Variants in RARB observed in about 807,000 individuals in gnomAD.
The protein encoded by RARB is retinoic acid receptor beta.
A neutral mutation model predicts 51.9 loss-of-function variants in RARB; 17 were observed. That is an observed-to-expected ratio of 0.33 (90% CI 0.22 to 0.49). The LOEUF is 0.49. Ranked by LOEUF, RARB falls within the 20% of genes least tolerant of loss-of-function variation. RARB has a pLI of 0.99. For missense variants in RARB, 369 were observed against 550.8 expected (o/e 0.67, Z 3.30); for synonymous variants, 215 against 195.4 (o/e 1.10, Z -0.84).
intron 4 of RARB, among the ~76,000 whole-genome samples, chr3:25,140,814 C>T (rs781102236): frequency 5.3e-5 from 8 of 152,006 alleles, no homozygotes; most frequent in Non-Finnish European, 1.0e-4. Context: ...AACTAATGCC[C>T]CAATCCATCA....
At chr3:25,382,194 G>A (rs897418698) in intron 5 of RARB, among the ~76,000 whole-genome samples, 1 of 152,118 alleles carries the variant, frequency 6.6e-6, no homozygotes, top group Non-Finnish European at 1.5e-5. Context: ...TATTCTCATG[G>A]AATAGGTAGG....
At chr3:25,557,280 C>T (rs181765744) in intron 3 of RARB, among the ~76,000 whole-genome samples, 50 of 152,242 alleles carry the variant, frequency 3.3e-4, no homozygotes, top group Admixed American at 8.5e-4. Context: ...GAATGAATAA[C>T]TGAGTCTATT....
At chr3:25,323,231 G>T (rs553410208) in intron 5 of RARB, among the ~76,000 whole-genome samples, 1 of 152,174 alleles carries the variant, frequency 6.6e-6, no homozygotes, top group South Asian at 2.1e-4. Flanking sequence ...ACCACATTCT[G>T]CTGGTCAAAG....
chr3:25,030,246 C>G (rs1697842693), intron 2 of RARB, among the ~76,000 whole-genome samples: 1 of 152,160 alleles, frequency 6.6e-6, no homozygotes, highest in Non-Finnish European at 1.5e-5. Flanking sequence ...TATATTCTGC[C>G]CTTACACATG....
At chr3:25,162,736 G>A (rs562884230) in intron 4 of RARB, among the ~76,000 whole-genome samples, 6 of 152,264 alleles carry the variant, frequency 3.9e-5, no homozygotes, top group African/African-American at 1.2e-4. Context: ...GTTCATCCAT[G>A]TAATAGAACA....
chr3:24,906,088 G>T (rs1418058984), intron 2 of RARB, among the ~76,000 whole-genome samples: 1 of 152,148 alleles, frequency 6.6e-6, no homozygotes, highest in African/African-American at 2.4e-5. Flanking sequence ...TAGAACAAAG[G>T]AATCAAAGTC....
At chr3:25,014,273 A>G (rs1697461180) in intron 2 of RARB, among the ~76,000 whole-genome samples, 2 of 151,870 alleles carry the variant, frequency 1.3e-5, no homozygotes, top group Admixed American at 6.6e-5. Context: ...GTTTGGATCA[A>G]TAGAATGTGC....
intron 4 of RARB, among the ~76,000 whole-genome samples, chr3:25,167,716 C>T (rs547730177): frequency 6.6e-6 from 1 of 152,152 alleles, no homozygotes; most frequent in African/African-American, 2.4e-5. Flanking sequence ...TTACTGAGTT[C>T]TAGACACCAA....
At chr3:25,212,300 A>G (rs1701717863) in intron 5 of RARB, among the ~76,000 whole-genome samples, 7 of 152,224 alleles carry the variant, frequency 4.6e-5, no homozygotes, top group Admixed American at 4.6e-4. Context: ...ACAACTTTCT[A>G]TTTACGTGAC....
At chr3:25,355,536 CTTTG>C (rs1004309839) in intron 5 of RARB, among the ~76,000 whole-genome samples, 8 of 151,988 alleles carry the variant, frequency 5.3e-5, no homozygotes, top group Admixed American at 3.3e-4. Flanking sequence ...ACTTCTCCAG[CTTTG>C]TTTGACCTCT....
rs60292267 is a variant in RARB, at chr3:24,970,574, AACACACACACACACACAC to A, written c.-379-89537_-379-89520del. 4.0e-5 allele frequency among the ~76,000 whole-genome samples: 6 copies of A among 148,878 alleles called. No homozygotes were observed. In the South Asian group the frequency reaches 1.3e-3, roughly 32 times the overall value. On this transcript the variant is annotated intron_variant, in intron 2 of 11. Transcript: ENST00000383772. Reference sequence around the variant, plus strand: ...TAAATAAATTCCACCAAGTCATGTAAACACACACACACACACACACACACACACACAAACACACCCCCT... The same window carrying A: ...TAAATAAATTCCACCAAGTCATGTAAACACACACACACAAACACACCCCCT...
intron 3 of RARB, among the ~76,000 whole-genome samples, chr3:25,567,610 C>G (rs1441536099): frequency 6.6e-6 from 1 of 152,180 alleles, no homozygotes; most frequent in Non-Finnish European, 1.5e-5. Context: ...CATGAACATT[C>G]ATGGACAAGT....
At chr3:25,592,543 C>T (rs1290340335) in intron 5 of RARB, among the ~76,000 whole-genome samples, 1 of 152,190 alleles carries the variant, frequency 6.6e-6, no homozygotes, top group Non-Finnish European at 1.5e-5. Context: ...GCAGTGGAAA[C>T]ATGAACCAGG....
At chr3:24,932,312 T>C (rs867564313) in intron 2 of RARB, among the ~76,000 whole-genome samples, 3 of 151,928 alleles carry the variant, frequency 2.0e-5, no homozygotes, top group Non-Finnish European at 4.4e-5. Context: ...CTGCTTTAGC[T>C]CCCCAGCACC....
At chr3:25,259,493 T>C (rs934282145) in intron 5 of RARB, among the ~76,000 whole-genome samples, 1 of 152,164 alleles carries the variant, frequency 6.6e-6, no homozygotes, top group Non-Finnish European at 1.5e-5. Context: ...TGGATGTCAA[T>C]GTCCAAGGTA....
intron 3 of RARB, among the ~76,000 whole-genome samples, chr3:25,083,860 G>T (rs963505926): frequency 6.6e-6 from 1 of 152,090 alleles, no homozygotes; most frequent in African/African-American, 2.4e-5. Flanking sequence ...CTTTATTTTA[G>T]GGTTAGAGTT....
At chr3:25,122,248 A>G (rs1274217418) in intron 3 of RARB, among the ~76,000 whole-genome samples, 1 of 152,060 alleles carries the variant, frequency 6.6e-6, no homozygotes, top group Non-Finnish European at 1.5e-5. Context: ...GTATTTGAGA[A>G]GTTGTGCGAT....
At chr3:25,571,894 A>G (rs1053577891) in intron 4 of RARB, among the ~76,000 whole-genome samples, 1 of 152,204 alleles carries the variant, frequency 6.6e-6, no homozygotes, top group Non-Finnish European at 1.5e-5. Context: ...CTTCTACTGG[A>G]TACTAACTGA....
chr3:25,526,637 A>G (rs1575488685), intron 3 of RARB, among the ~76,000 whole-genome samples: 1 of 152,232 alleles, frequency 6.6e-6, no homozygotes, highest in Admixed American at 6.5e-5. Context: ...TAAAAGGTAC[A>G]TGGAGAATGT....
Sources: allele counts gnomAD v4.1 joint callset (sites outside exome capture counted in the v4.1 genomes callset), GRCh38; gene constraint gnomAD v4.1.1; transcripts MANE v1.5; gene names NCBI Gene and HGNC (gene_info 2026-07-23, HGNC 2026-07-21).